Variants in VPS13B observed in about 807,000 individuals in gnomAD.
VPS13B encodes intermembrane lipid transfer protein VPS13B.
In VPS13B, 285 loss-of-function variants were observed where a neutral mutation model predicts 426.4. The ratio of observed to expected loss-of-function variants is 0.67; its 90% confidence interval spans 0.61 to 0.74. The LOEUF (loss-of-function observed/expected upper bound fraction) is 0.74. Among genes scored for constraint, VPS13B ranks in the 30% least tolerant of loss-of-function variants. The pLI, the probability that VPS13B is intolerant of heterozygous loss-of-function variation, is 0.00. For missense variants in VPS13B, 4,537 were observed against 4,782.6 expected (o/e 0.95, Z 1.51); for synonymous variants, 1,676 against 1,676.4 (o/e 1.00, Z 0.01).
chr8:99,096,234 C>A, intron 3 of VPS13B, 78 bp from the exon 4 acceptor site: 1 of 1,536,826 alleles, frequency 6.5e-7, no homozygotes, highest in Non-Finnish European at 8.9e-7. Context: ...CCATAAACTG[C>A]ATATATTAAA....
intron 51 of VPS13B, 24 bp from the exon 52 acceptor site, chr8:99,832,345 T>G (rs1315009089): frequency 2.9e-6 from 4 of 1,375,702 alleles, no homozygotes; most frequent in Admixed American, 5.2e-5. Flanking sequence ...CTCTGCATTT[T>G]TTTTTTTTTT....
chr8:99,485,021 A>C (rs991769350), intron 25 of VPS13B, among the ~76,000 whole-genome samples: 1 of 152,178 alleles, frequency 6.6e-6, no homozygotes, highest in African/African-American at 2.4e-5. Context: ...GTGAGTCTTC[A>C]TTTTATGTTC....
chr8:99,536,198 C>G (rs1156811502), intron 30 of VPS13B, among the ~76,000 whole-genome samples: 2 of 152,126 alleles, frequency 1.3e-5, no homozygotes, highest in African/African-American at 4.8e-5. Context: ...AGCCGCCTGC[C>G]TTGGCCTCCC....
At chr8:99,166,371 C>T (rs1812003329) in intron 15 of VPS13B, among the ~76,000 whole-genome samples, 1 of 152,116 alleles carries the variant, frequency 6.6e-6, no homozygotes, top group Non-Finnish European at 1.5e-5. Context: ...CTTATTGTTC[C>T]CACCATGTTG....
At chr8:99,299,654 G>A (rs1038629566) in intron 19 of VPS13B, among the ~76,000 whole-genome samples, 1 of 151,470 alleles carries the variant, frequency 6.6e-6, no homozygotes, top group African/African-American at 2.4e-5. Context: ...GCTCATGCCT[G>A]TAATCCCAGC....
At chr8:99,088,796 T>C (rs1845983431) in intron 3 of VPS13B, among the ~76,000 whole-genome samples, 2 of 152,234 alleles carry the variant, frequency 1.3e-5, no homozygotes, top group South Asian at 2.1e-4. Flanking sequence ...CCATTTGCCC[T>C]AGTTTCTTTT....
intron 31 of VPS13B, among the ~76,000 whole-genome samples, chr8:99,568,915 C>T (rs1825329255): frequency 6.6e-6 from 1 of 151,058 alleles, no homozygotes; most frequent in Non-Finnish European, 1.5e-5. Flanking sequence ...GGGTTCACGC[C>T]ATTCTCCTGC....
chr8:99,760,972 A>G (rs999257718), intron 39 of VPS13B, among the ~76,000 whole-genome samples: 4 of 152,234 alleles, frequency 2.6e-5, no homozygotes, highest in Non-Finnish European at 4.4e-5. Flanking sequence ...GGACTTGAGC[A>G]TCCATAGATT....
At chr8:99,743,075 C>A (rs190676651) in intron 39 of VPS13B, among the ~76,000 whole-genome samples, 358 of 152,270 alleles carry the variant, frequency 2.4e-3, no homozygotes, top group Admixed American at 2.5e-3. Flanking sequence ...ATCTAGAAAA[C>A]CCCATTATCT....
intron 2 of VPS13B, among the ~76,000 whole-genome samples, chr8:99,034,604 G>A (rs1842659279): frequency 1.3e-5 from 2 of 151,994 alleles, no homozygotes; most frequent in South Asian, 4.2e-4. Flanking sequence ...TAGACTACCA[G>A]TAATATATAT....
At chr8:99,170,562 A>G (rs1188477851) in intron 16 of VPS13B, among the ~76,000 whole-genome samples, 1 of 151,932 alleles carries the variant, frequency 6.6e-6, no homozygotes, top group African/African-American at 2.4e-5. Flanking sequence ...ATTCATACCC[A>G]CTGACAAAAG....
intron 13 of VPS13B, 133 bp downstream of exon 13, chr8:99,143,298 G>A: frequency 9.3e-7 from 1 of 1,080,234 alleles, no homozygotes; most frequent in Non-Finnish European, 1.4e-6. Flanking sequence ...GATATATGTA[G>A]CTGTTTATTT....
At position 99,391,644 on chromosome 8, in the gene VPS13B, C is replaced by G; in HGVS notation, c.3022C>G (p.Gln1008Glu). 1 of 1,614,170 alleles carries G rather than the reference C, an allele frequency of 6.2e-7. No homozygotes were observed. Among genetic ancestry groups the G allele is most frequent in the Non-Finnish European group, 8.5e-7 (1 of 1,180,028 alleles). The change falls in exon 21 of 62, where the codon CAG (glutamine) becomes GAG (glutamate). Residue 1008 changes from glutamine (Q) to glutamate (E), a missense_variant. Gln to Glu is a conservative substitution (Grantham distance 29, BLOSUM62 2). Around this residue, in one of 2 missense-constraint regions of VPS13B, gnomAD observed 4,311 missense variants for 4,474.3 expected, o/e 0.96. Transcript: ENST00000357162. The stretch of plus-strand genomic sequence containing the variant: ...TATTGGAAGTGCCCCCTTGGCAAAG[C>G]AGCAATCATATCAGGCCTCTGAATA... ...VSIGSAPLAKQQSYQASEYAS... is the reference protein window; with the variant it reads ...VSIGSAPLAKEQSYQASEYAS...
chr8:99,027,679 G>A (rs1244730609), intron 2 of VPS13B, among the ~76,000 whole-genome samples: 1 of 151,732 alleles, frequency 6.6e-6, no homozygotes, highest in African/African-American at 2.4e-5. Flanking sequence ...GCATCCCATT[G>A]TCTCTTGGCC....
intron 14 of VPS13B, among the ~76,000 whole-genome samples, chr8:99,154,753 A>G (rs1811267261): frequency 6.6e-6 from 1 of 152,156 alleles, no homozygotes; most frequent in African/African-American, 2.4e-5. Context: ...AGTCTGAGCA[A>G]TCCTAATTCC....
At chr8:99,634,684 T>A (rs1429728355) in intron 33 of VPS13B, among the ~76,000 whole-genome samples, 4 of 152,014 alleles carry the variant, frequency 2.6e-5, no homozygotes, top group Non-Finnish European at 1.5e-5. Context: ...TGGGTATCTG[T>A]AGTAAGGTAG....
chr8:99,662,694 T>G (rs775397029), intron 35 of VPS13B, among the ~76,000 whole-genome samples: 11 of 152,084 alleles, frequency 7.2e-5, no homozygotes, highest in Non-Finnish European at 1.2e-4. Flanking sequence ...GCAATCCGCC[T>G]GCCTCAGCTT....
chr8:99,584,313 C>G (rs1826207410), intron 33 of VPS13B, among the ~76,000 whole-genome samples: 2 of 152,136 alleles, frequency 1.3e-5, no homozygotes, highest in South Asian at 4.1e-4. Context: ...CAGGAAAACA[C>G]CACAGTTGCC....
chr8:99,598,166 A>G (rs937431897), intron 33 of VPS13B, among the ~76,000 whole-genome samples: 10 of 152,018 alleles, frequency 6.6e-5, no homozygotes, highest in Non-Finnish European at 1.3e-4. Flanking sequence ...CAGCTAGACA[A>G]TGACTTAAAC....
Sources: allele counts gnomAD v4.1 joint callset (sites outside exome capture counted in the v4.1 genomes callset), GRCh38; gene constraint gnomAD v4.1.1; regional missense constraint gnomAD v4.1.1; transcripts MANE v1.5; gene names NCBI Gene and HGNC (gene_info 2026-07-23, HGNC 2026-07-21).